DIPK1A: variants seen among roughly 807,000 people sequenced by gnomAD.
DIPK1A encodes the protein family with sequence similarity 69 member A.
In DIPK1A, 27 loss-of-function variants were observed where a neutral mutation model predicts 40.8. That is an observed-to-expected ratio of 0.66 (90% CI 0.49 to 0.91). DIPK1A has a LOEUF of 0.91. DIPK1A is among the 40% of genes least tolerant of loss of function. The pLI is 0.00. For missense variants in DIPK1A, 412 were observed against 505.7 expected, an observed-to-expected ratio of 0.81 and a Z score of 1.78; for synonymous variants, 166 against 171.3, an observed-to-expected ratio of 0.97 and a Z score of 0.24.
intron 2 of DIPK1A, among the ~76,000 whole-genome samples, chr1:92,864,230 A>G (rs891267344): frequency 2.6e-5 from 4 of 152,246 alleles, no homozygotes; most frequent in South Asian, 2.1e-4. Flanking sequence ...TTAGCTATAT[A>G]TCACTATCTA....
At position 92,861,820 on chromosome 1, in the gene DIPK1A, C is replaced by T. The variant is rs149501774; in HGVS notation, c.190-10865G>A. ...TTTTTGAGACAGGGTCTCACTCTGC[C>T]GCCCAGTCTGGAGTGCAGTGGCGTT... On this transcript the variant is annotated intron_variant, in intron 2 of 4. Transcript: ENST00000370310. 3.1e-3 allele frequency among the ~76,000 whole-genome samples: 466 copies of T among 152,050 alleles called. 2 individuals carry two copies. The highest frequency in any genetic ancestry group is 0.011 in the African/African-American group (448 of 41,486).
chr1:92,946,386 G>A (rs1231137170), intron 1 of DIPK1A, among the ~76,000 whole-genome samples: 1 of 152,154 alleles, frequency 6.6e-6, no homozygotes, highest in Non-Finnish European at 1.5e-5. Flanking sequence ...CAGAAAGTGG[G>A]AAGTAGAAGA....
intron 1 of DIPK1A, among the ~76,000 whole-genome samples, chr1:92,956,226 A>C (rs1432588696): frequency 6.6e-6 from 1 of 152,222 alleles, no homozygotes; most frequent in Non-Finnish European, 1.5e-5. Flanking sequence ...TGAGAAGACT[A>C]CAGTGAAGAA....
At chr1:92,863,856 A>G (rs1356844176) in intron 2 of DIPK1A, among the ~76,000 whole-genome samples, 1 of 152,124 alleles carries the variant, frequency 6.6e-6, no homozygotes, top group Non-Finnish European at 1.5e-5. Context: ...GGAGTTCAAG[A>G]TCAGCCTAGT....
intron 1 of DIPK1A, among the ~76,000 whole-genome samples, chr1:92,925,626 T>C (rs930275844): frequency 6.6e-6 from 1 of 152,120 alleles, no homozygotes; most frequent in African/African-American, 2.4e-5. Flanking sequence ...CCCGAGTAGC[T>C]GGGATTACAG....
At chr1:92,911,709 T>C (rs1425129421) in intron 1 of DIPK1A, among the ~76,000 whole-genome samples, 3 of 152,052 alleles carry the variant, frequency 2.0e-5, no homozygotes, top group Admixed American at 2.0e-4. Context: ...ATATGAAAGT[T>C]ACATGTTTAG....
intron 1 of DIPK1A, 126 bp downstream of exon 1, chr1:92,961,250 G>C: frequency 2.0e-6 from 1 of 501,612 alleles, no homozygotes. Context: ...GGACGGCAGG[G>C]GGCAGCGGGG....
intron 2 of DIPK1A, among the ~76,000 whole-genome samples, chr1:92,861,814 C>T (rs552307344): frequency 6.6e-6 from 1 of 152,036 alleles, no homozygotes; most frequent in East Asian, 1.9e-4. Flanking sequence ...CAGGGTCTCA[C>T]TCTGCCGCCC....
chr1:92,843,384 TAA>T lies in DIPK1A; in HGVS notation c.1284_1285del (p.Ter429ValfsTer22). The T allele has an allele frequency of 6.5e-7, 1 of 1,528,014 alleles. No homozygotes were observed. The highest frequency in any genetic ancestry group is 1.2e-5 in the South Asian group (1 of 80,450). The allele number at this position is 1,528,014 out of a possible 1,614,324, so 94.7% of individuals were successfully genotyped here. A position where few individuals can be genotyped will look rare whatever the true frequency, so the allele number is the denominator to read the frequency against. ...AAATGGTAATTATGTCCAAATGAACTAAGAGTCATTAGTGTAGGAAATTTTCT... is the reference window on the plus strand; with the variant it reads ...AAATGGTAATTATGTCCAAATGAACTGAGTCATTAGTGTAGGAAATTTTCT... On this transcript the variant is annotated frameshift_variant and stop_lost, in exon 5 of 5. Coordinates refer to ENST00000370310, the MANE Select transcript of DIPK1A (RefSeq NM_001006605.5). LOFTEE classifies it high-confidence loss of function.
At chr1:92,939,074 G>A (rs747287038) in intron 1 of DIPK1A, among the ~76,000 whole-genome samples, 40 of 151,742 alleles carry the variant, frequency 2.6e-4, no homozygotes, top group Non-Finnish European at 3.1e-4. Context: ...CTAATTTTTC[G>A]TATTTTTAGC....
At position 92,843,629 on chromosome 1, in the gene DIPK1A, A is replaced by C; in HGVS notation, c.1041T>G (p.Cys347Trp). 2 of 1,551,802 alleles carry C rather than the reference A, an allele frequency of 1.3e-6. No individual in the cohort carries two copies. The highest frequency in any genetic ancestry group is 2.4e-5 in the South Asian group (2 of 84,060). The change falls in exon 5 of 5, where the codon TGT becomes TGG. Residue 347 changes from cysteine to tryptophan, a missense_variant. Coordinates refer to ENST00000370310, the MANE Select transcript of DIPK1A (RefSeq NM_001006605.5). ...AAGTACACTTCATTGTACTCTGATCACAGCTAGTTCTACAATCTGTGCCAT... is the reference window on the plus strand; with the variant it reads ...AAGTACACTTCATTGTACTCTGATCCCAGCTAGTTCTACAATCTGTGCCAT... ...CVYGTDCRTS[C>W]DQSTMKCTSE...
chr1:92,923,008 TC>T (rs1650330262), intron 1 of DIPK1A, among the ~76,000 whole-genome samples: 1 of 152,196 alleles, frequency 6.6e-6, no homozygotes, highest in South Asian at 2.1e-4. Flanking sequence ...TCAGGGTGAA[TC>T]CTGCTTTTAA....
intron 1 of DIPK1A, among the ~76,000 whole-genome samples, chr1:92,951,983 C>T (rs530578556): frequency 7.8e-6 from 1 of 128,620 alleles, no homozygotes; most frequent in Non-Finnish European, 1.6e-5. Context: ...ATTTTGCCCC[C>T]CAGAGGACAA....
At chr1:92,936,394 G>A (rs567968193) in intron 1 of DIPK1A, among the ~76,000 whole-genome samples, 7 of 152,150 alleles carry the variant, frequency 4.6e-5, no homozygotes, top group Non-Finnish European at 8.8e-5. Flanking sequence ...TTGGGAGGCC[G>A]AGGCAGGCAG....
In DIPK1A at chr1:92,876,683, T is replaced by C. The variant is rs561117225; in HGVS notation, c.55-253A>G. On this transcript the variant is annotated intron_variant, in intron 1 of 4. Transcript: ENST00000370310. The stretch of plus-strand genomic sequence containing the variant: ...ATGTATAACCTTTCAAATACCACCA[T>C]CATCCAAAGCTACTTTTTAGGCACA... 2.6e-5 allele frequency among the ~76,000 whole-genome samples: 4 copies of C among 152,228 alleles called. No homozygotes were observed. The East Asian group carries it at 7.7e-4, about 29-fold the overall frequency.
chr1:92,931,215 C>T (rs1280445252), intron 1 of DIPK1A: 1 of 152,508 alleles, frequency 6.6e-6, no homozygotes, highest in African/African-American at 2.4e-5. Flanking sequence ...CCAAGATGTC[C>T]TTCAGTAGGT....
At chr1:92,852,264 C>T (rs1007006358) in intron 2 of DIPK1A, among the ~76,000 whole-genome samples, 1 of 152,054 alleles carries the variant, frequency 6.6e-6, no homozygotes, top group Admixed American at 6.6e-5. Flanking sequence ...TTTGGGGGGC[C>T]GAGGCAGGTG....
rs958993284 is a variant in DIPK1A, at chr1:92,842,688, CTCAG to C, written c.*691_*694del. 8 of 985,400 alleles carry C rather than the reference CTCAG, an allele frequency of 8.1e-6. No homozygotes were observed. The highest frequency in any genetic ancestry group is 1.1e-4 in the East Asian group (1 of 8,816). The allele number at this position is 985,400 out of a possible 1,614,324, so 61.0% of individuals were successfully genotyped here. A position where few individuals can be genotyped will look rare whatever the true frequency, so the allele number is the denominator to read the frequency against. The stretch of plus-strand genomic sequence containing the variant: ...GCCTTAAGATGTCAGTTTTGAAGGG[CTCAG>C]TCAGCTGCGTGATACTAAGATGGGC... On this transcript the variant is annotated 3_prime_UTR_variant, in exon 5 of 5. Coordinates refer to ENST00000370310, the MANE Select transcript of DIPK1A (RefSeq NM_001006605.5).
At chr1:92,884,741 T>A (rs141506142) in intron 1 of DIPK1A, among the ~76,000 whole-genome samples, 32 of 152,262 alleles carry the variant, frequency 2.1e-4, no homozygotes, top group Non-Finnish European at 4.0e-4. Context: ...TTTAACTCTG[T>A]TTTACCTAAA....
Sources: gnomAD v4.1 joint callset for allele counts (sites outside exome capture counted in the v4.1 genomes callset) on GRCh38, gnomAD v4.1.1 for gene constraint, MANE v1.5 for transcripts, NCBI Gene and HGNC (gene_info 2026-07-23, HGNC 2026-07-21) for gene names.